The following PTPRN2 variants were observed in gnomAD, a reference collection of about 807,000 sequenced individuals.
PTPRN2 encodes the protein protein tyrosine phosphatase receptor type N2.
A neutral mutation model predicts 118.8 loss-of-function variants in PTPRN2; 74 were observed. The observed-to-expected ratio is 0.62, with a 90% confidence interval of 0.52 to 0.76. The LOEUF is 0.76. Among genes scored for constraint, PTPRN2 ranks in the 30% least tolerant of loss-of-function variants. PTPRN2 has a pLI of 0.00. For synonymous variants in PTPRN2, 641 were observed against 608.0 expected, an observed-to-expected ratio of 1.05 and a Z score of -0.80; for missense variants, 1,481 against 1,394.4, an observed-to-expected ratio of 1.06 and a Z score of -0.99.
intron 2 of PTPRN2, among the ~76,000 whole-genome samples, chr7:158,391,757 A>T (rs1811947206): frequency 6.6e-6 from 1 of 152,152 alleles, no homozygotes; most frequent in Non-Finnish European, 1.5e-5. Context: ...AGGAGGCAGG[A>T]GGTTTCCCCA....
At chr7:158,101,484 C>A (rs567165100) in intron 10 of PTPRN2, among the ~76,000 whole-genome samples, 1 of 152,242 alleles carries the variant, frequency 6.6e-6, no homozygotes, top group East Asian at 1.9e-4. Flanking sequence ...GACAAAGAAC[C>A]CAATAGCAAA....
chr7:158,305,614 G>A (rs987495166), intron 3 of PTPRN2, among the ~76,000 whole-genome samples: 1 of 152,104 alleles, frequency 6.6e-6, no homozygotes, highest in Admixed American at 6.5e-5. Context: ...ACGTTGAGGA[G>A]AGGACCAGAG....
chr7:158,498,365 T>G (rs778951591), intron 1 of PTPRN2, among the ~76,000 whole-genome samples: 1 of 152,238 alleles, frequency 6.6e-6, no homozygotes, highest in Non-Finnish European at 1.5e-5. Context: ...TTAAACTCTC[T>G]TAAGAGTAAG....
chr7:157,675,785 G>A (rs879637228), intron 13 of PTPRN2, among the ~76,000 whole-genome samples: 39 of 152,300 alleles, frequency 2.6e-4, no homozygotes, highest in Admixed American at 1.1e-3. Context: ...GCCCTCATCC[G>A]CATGGCGGCC....
At chr7:158,383,970 G>T (rs1313109129) in intron 2 of PTPRN2, among the ~76,000 whole-genome samples, 1 of 152,210 alleles carries the variant, frequency 6.6e-6, no homozygotes, top group Non-Finnish European at 1.5e-5. Flanking sequence ...TCCTTGGCTT[G>T]AAAATGCCAC....
At position 157,801,034 on chromosome 7, in the gene PTPRN2, C is replaced by CAT. The variant is rs897734562; in HGVS notation, c.1788+97637_1788+97638dup. Among the ~76,000 whole-genome samples, 2 of 148,186 alleles carry CAT rather than the reference C, an allele frequency of 1.3e-5. No homozygotes were observed. Among genetic ancestry groups the CAT allele is most frequent in the African/African-American group, 2.5e-5 (1 of 40,236 alleles). On this transcript the variant is annotated intron_variant, in intron 12 of 22. Transcript: ENST00000389418. This position sits in a 1 kb window ranked among gnomAD's most constrained non-coding sequence, Gnocchi z 4.2. ...ACATATACACACACATATATATACACATATATATACACATATATACACATA... is the reference window on the plus strand; with the variant it reads ...ACATATACACACACATATATATACACATATATATATACACATATATACACATA...
In PTPRN2 at chr7:157,767,224, G is replaced by A. The variant is rs142269300; in HGVS notation, c.1789-84287C>T. ...CTGTGCTGGGCACACAGCACTCCAC[G>A]TCCATCATCCATCTGTGGCTTATGA... is the stretch of plus-strand genomic sequence containing the variant. On this transcript the variant is annotated intron_variant, in intron 12 of 22. Coordinates refer to ENST00000389418, the MANE Select transcript of PTPRN2 (RefSeq NM_002847.5). 1.5e-3 allele frequency among the ~76,000 whole-genome samples: 236 copies of A among 152,272 alleles called. 1 individual carries two copies. The highest frequency in any genetic ancestry group is 3.9e-3 in the African/African-American group (164 of 41,552).
intron 2 of PTPRN2, among the ~76,000 whole-genome samples, chr7:158,461,932 C>G (rs192740204): frequency 5.5e-5 from 2 of 36,558 alleles, no homozygotes; most frequent in African/African-American, 1.7e-4. Flanking sequence ...GGAAACAACC[C>G]ATACTCACCC....
At position 158,490,583 on chromosome 7, in the gene PTPRN2, G is replaced by A. The variant is rs113491491; in HGVS notation, c.113-798C>T. Among the ~76,000 whole-genome samples the A allele has an allele frequency of 6.0e-4, 91 of 152,388 alleles. 1 individual carries two copies. The highest frequency in any genetic ancestry group is 2.1e-3 in the African/African-American group (86 of 41,598). On this transcript the variant is annotated intron_variant, in intron 1 of 22. Transcript: ENST00000389418. Reference sequence around the variant, plus strand: ...CCAGAAAGCACCACCCCGCTAGGGAGCGGCTCCCGCGAGGGCGTGAGCACC... The same window carrying A: ...CCAGAAAGCACCACCCCGCTAGGGAACGGCTCCCGCGAGGGCGTGAGCACC...
chr7:158,290,116 C>A (rs560415305), intron 3 of PTPRN2, among the ~76,000 whole-genome samples: 96 of 152,152 alleles, frequency 6.3e-4, no homozygotes, highest in Middle Eastern at 3.4e-3. Flanking sequence ...GGGGGTGAGC[C>A]TGGGTCCTGG....
At chr7:158,092,148 G>A (rs1814230202) in intron 10 of PTPRN2, among the ~76,000 whole-genome samples, 1 of 151,376 alleles carries the variant, frequency 6.6e-6, no homozygotes, top group African/African-American at 2.4e-5. Flanking sequence ...ACATGGATGA[G>A]TAGATGGGTG....
chr7:158,325,726 C>A (rs979534918), intron 2 of PTPRN2, among the ~76,000 whole-genome samples: 3 of 152,182 alleles, frequency 2.0e-5, no homozygotes, highest in African/African-American at 7.2e-5. Context: ...ACCCGGCAAA[C>A]CACCGGGCAG....
chr7:158,445,729 C>A (rs1029776825), intron 2 of PTPRN2, among the ~76,000 whole-genome samples: 1 of 152,230 alleles, frequency 6.6e-6, no homozygotes, highest in South Asian at 2.1e-4. Flanking sequence ...GGCCAGGAGA[C>A]CCTGAGAGGG....
intron 11 of PTPRN2, among the ~76,000 whole-genome samples, chr7:157,905,816 G>A (rs1375871133): frequency 6.6e-6 from 1 of 152,202 alleles, no homozygotes; most frequent in Admixed American, 6.5e-5. Context: ...GGCCCGGGGT[G>A]AAGCTGTCAC....
At chr7:157,569,084 G>C (rs970021101) in intron 20 of PTPRN2, 118 bp from the exon 21 acceptor site, 3 of 1,005,504 alleles carry the variant, frequency 3.0e-6, no homozygotes, top group Non-Finnish European at 3.1e-6. Flanking sequence ...AGGAAAGGAT[G>C]GCGGATGTGA....
intron 2 of PTPRN2, among the ~76,000 whole-genome samples, chr7:158,477,461 A>G (rs1820352684): frequency 6.6e-6 from 1 of 152,236 alleles, no homozygotes; most frequent in East Asian, 1.9e-4. Context: ...CAAACTGTTC[A>G]TTTTGAATAT....
chr7:158,414,242 C>A (rs1254154385), intron 2 of PTPRN2, among the ~76,000 whole-genome samples: 1 of 151,986 alleles, frequency 6.6e-6, no homozygotes, highest in Non-Finnish European at 1.5e-5. Context: ...TGATGCAGGG[C>A]ACACCAGGAG....
intron 12 of PTPRN2, among the ~76,000 whole-genome samples, chr7:157,840,829 C>T (rs541250841): frequency 3.3e-5 from 5 of 152,340 alleles, no homozygotes; most frequent in South Asian, 2.1e-4. Flanking sequence ...AGAGGAGCCC[C>T]GTCCTCAGAC....
At chr7:157,824,547 C>T (rs767512405) in intron 12 of PTPRN2, among the ~76,000 whole-genome samples, 2 of 152,160 alleles carry the variant, frequency 1.3e-5, no homozygotes, top group Non-Finnish European at 1.5e-5. Flanking sequence ...CCACACAGGC[C>T]CCCGGAAGAA....
Sources: gnomAD v4.1 joint callset for allele counts (sites outside exome capture counted in the v4.1 genomes callset) on GRCh38, gnomAD v4.1.1 for gene constraint, Gnocchi (gnomAD v3.1) non-coding constraint, MANE v1.5 for transcripts, NCBI Gene and HGNC (gene_info 2026-07-23, HGNC 2026-07-21) for gene names.